ATXN10: variants seen among roughly 807,000 people sequenced by gnomAD.
The protein encoded by ATXN10 is ataxin 10, also known as ataxin-10.
In ATXN10, 28 loss-of-function variants were observed where a neutral mutation model predicts 52.9. The ratio of observed to expected loss-of-function variants is 0.53; its 90% CI spans 0.39 to 0.73. ATXN10 has a LOEUF of 0.73. ATXN10 is among the 30% of genes least tolerant of loss of function. The pLI is 0.00. For synonymous variants in ATXN10, 226 were observed against 221.5 expected (o/e 1.02, Z -0.18); for missense variants, 565 against 577.0 (o/e 0.98, Z 0.21).
chr22:45,799,550 C>T (rs1243511576), intron 9 of ATXN10, among the ~76,000 whole-genome samples: 1 of 152,088 alleles, frequency 6.6e-6, no homozygotes, highest in East Asian at 1.9e-4. Context: ...ATCTAAAAAC[C>T]AAGGACACCA....
intron 10 of ATXN10, among the ~76,000 whole-genome samples, chr22:45,838,265 T>C (rs926621623): frequency 6.6e-6 from 1 of 152,186 alleles, no homozygotes; most frequent in Non-Finnish European, 1.5e-5. Flanking sequence ...TGTTAGGCCC[T>C]GTGTTGAACC....
intron 6 of ATXN10, 99 bp from the exon 7 acceptor site, chr22:45,729,326 A>G: frequency 8.0e-7 from 1 of 1,243,428 alleles, no homozygotes; most frequent in Admixed American, 1.8e-5. Flanking sequence ...TAAGGAATTT[A>G]AAATAATAAT....
intron 1 of ATXN10, chr22:45,674,045 A>G (rs973701751): frequency 2.0e-5 from 3 of 152,184 alleles, no homozygotes; most frequent in Non-Finnish European, 4.4e-5. Context: ...GAGTGGCGCG[A>G]TAAGATCTGC....
At position 45,766,595 on chromosome 22, in the gene ATXN10, A is replaced by T. The variant is rs1025178311; in HGVS notation, c.1173+26057A>T. On this transcript the variant is annotated intron_variant, in intron 9 of 11. Transcript: ENST00000252934. The surrounding 1 kb of genome is among the most constrained non-coding windows in gnomAD (Gnocchi z 4.6). ...AATGTAACAGCACCTGAACCCATGCAAGTATTAGGAGAAAACATGAATGAG... is the reference window on the plus strand; with the variant it reads ...AATGTAACAGCACCTGAACCCATGCTAGTATTAGGAGAAAACATGAATGAG... Among the ~76,000 whole-genome samples, 1 of 152,228 alleles carries T rather than the reference A, an allele frequency of 6.6e-6. No individual in the cohort carries two copies. The highest frequency in any genetic ancestry group is 6.5e-5 in the Admixed American group (1 of 15,282).
At chr22:45,800,794 C>T (rs1174257926) in intron 9 of ATXN10, among the ~76,000 whole-genome samples, 3 of 152,138 alleles carry the variant, frequency 2.0e-5, no homozygotes, top group Admixed American at 6.5e-5. Flanking sequence ...ATCTCGAAAA[C>T]ATTGGAAAAC....
intron 9 of ATXN10, among the ~76,000 whole-genome samples, chr22:45,752,810 C>T (rs1311421007): frequency 3.3e-5 from 5 of 151,632 alleles, no homozygotes; most frequent in Admixed American, 1.3e-4. Flanking sequence ...GCGATCTCGA[C>T]GCAACCTCCG....
chr22:45,815,121 G>T (rs2146893405), intron 10 of ATXN10, among the ~76,000 whole-genome samples: 1 of 152,348 alleles, frequency 6.6e-6, no homozygotes, highest in African/African-American at 2.4e-5. Flanking sequence ...TAGTTAAATT[G>T]TGGTGTGTTC....
chr22:45,699,693 C>T (rs948363539), intron 3 of ATXN10, among the ~76,000 whole-genome samples: 3 of 151,456 alleles, frequency 2.0e-5, no homozygotes, highest in East Asian at 3.9e-4. Context: ...GGTTTCATCA[C>T]GTTGGCCAGG....
intron 3 of ATXN10, among the ~76,000 whole-genome samples, chr22:45,697,592 T>A (rs1294481503): frequency 6.6e-6 from 1 of 152,158 alleles, no homozygotes; most frequent in Non-Finnish European, 1.5e-5. Context: ...TTATGTGACC[T>A]TTGGTGTCTT....
At position 45,805,241 on chromosome 22, in the gene ATXN10, C is replaced by G. The variant is rs2146882838; in HGVS notation, c.1174-1718C>G. 2.6e-5 allele frequency among the ~76,000 whole-genome samples: 4 copies of G among 152,300 alleles called. 1 individual carries two copies. In the Middle Eastern group the frequency reaches 0.014, roughly 518 times the overall value. Reference sequence around the variant, plus strand: ...ATGAGATTGTGGAGATGCTGGAACCCTCATAAATTGCTGGGTGAAAATGTA... The same window carrying G: ...ATGAGATTGTGGAGATGCTGGAACCGTCATAAATTGCTGGGTGAAAATGTA... On this transcript the variant is annotated intron_variant, in intron 9 of 11. Coordinates refer to ENST00000252934, the MANE Select transcript of ATXN10 (RefSeq NM_013236.4). The surrounding 1 kb of genome is among the most constrained non-coding windows in gnomAD (Gnocchi z 4.4).
rs1276585610 is a variant in ATXN10 at position 45,819,249 on chromosome 22, A to T, written c.1237+12227A>T. ...ATAGAATAGAATAGAATAGAATAGA[A>T]TAGGCTTTTATAATTCTTAACTTTG... On this transcript the variant is annotated intron_variant, in intron 10 of 11. Coordinates refer to ENST00000252934, the MANE Select transcript of ATXN10 (RefSeq NM_013236.4). This position sits in a 1 kb window ranked among gnomAD's most constrained non-coding sequence, Gnocchi z 4.5. Among the ~76,000 whole-genome samples, 1 of 144,202 alleles carries T rather than the reference A, an allele frequency of 6.9e-6. No homozygotes were observed. The highest frequency in any genetic ancestry group is 6.9e-5 in the Admixed American group (1 of 14,404). 94.6% of individuals were successfully genotyped at this position (144,202 alleles called of 152,430 possible). A position where few individuals can be genotyped will look rare whatever the true frequency, so the allele number is the denominator to read the frequency against.
intron 10 of ATXN10, among the ~76,000 whole-genome samples, chr22:45,817,105 C>T (rs557327020): frequency 2.7e-4 from 41 of 152,208 alleles, no homozygotes; most frequent in African/African-American, 8.9e-4. Context: ...GCCATCCTGA[C>T]GTTTGTTTGA....
intron 9 of ATXN10, among the ~76,000 whole-genome samples, chr22:45,782,667 C>T (rs534419772): frequency 5.3e-5 from 8 of 152,160 alleles, no homozygotes; most frequent in Non-Finnish European, 1.0e-4. Flanking sequence ...ATGTTCTTTA[C>T]CACTATATGA....
chr22:45,840,829 G>GT lies in ATXN10; in HGVS notation c.1238-2161dup. 2.0e-5 allele frequency among the ~76,000 whole-genome samples: 3 copies of GT among 152,226 alleles called. No homozygotes were observed. On this transcript the variant is annotated intron_variant, in intron 10 of 11. Coordinates refer to ENST00000252934, the MANE Select transcript of ATXN10 (RefSeq NM_013236.4). This position sits in a 1 kb window ranked among gnomAD's most constrained non-coding sequence, Gnocchi z 5.8. ...AATAACCAGGACGTTTCAGAAAGGA[G>GT]TGTTATGCTTCTTTCATTTACCATT...
rs1923219018 is a variant in ATXN10, at chr22:45,688,065, A to G, written c.117-1647A>G. ...AGAGCAAAACTCCGTCTCAAAAAAAAGAGTGTTAGTGAGTATTCTTCCATT... is the reference window on the plus strand; with the variant it reads ...AGAGCAAAACTCCGTCTCAAAAAAAGGAGTGTTAGTGAGTATTCTTCCATT... On this transcript the variant is annotated intron_variant, in intron 1 of 11. Transcript: ENST00000252934. This position sits in a 1 kb window ranked among gnomAD's most constrained non-coding sequence, Gnocchi z 4.0. Among the ~76,000 whole-genome samples the G allele has an allele frequency of 6.6e-6, 1 of 152,214 alleles. No homozygotes were observed. Among genetic ancestry groups the G allele is most frequent in the Non-Finnish European group, 1.5e-5 (1 of 68,032 alleles).
At position 45,843,908 on chromosome 22, in the gene ATXN10, T is replaced by C; in HGVS notation, c.*237T>C. 1.7e-6 allele frequency: 1 copy of C among 575,326 alleles called. No homozygotes were observed. Among genetic ancestry groups the C allele is most frequent in the South Asian group, 2.1e-5 (1 of 48,086 alleles). 35.6% of individuals were successfully genotyped at this position (575,326 alleles called of 1,614,324 possible). On this transcript the variant is annotated 3_prime_UTR_variant, in exon 12 of 12. Coordinates refer to ENST00000252934, the MANE Select transcript of ATXN10 (RefSeq NM_013236.4). The surrounding 1 kb of genome is among the most constrained non-coding windows in gnomAD (Gnocchi z 4.5). ...TGCCTTTGTCCCCCTGGATAGAACG[T>C]GCATTTAAAGAATATATTGTACTTA...
At chr22:45,743,129 C>A (rs1039836652) in intron 9 of ATXN10, among the ~76,000 whole-genome samples, 9 of 152,184 alleles carry the variant, frequency 5.9e-5, no homozygotes, top group African/African-American at 2.2e-4. Flanking sequence ...CACAGGAAGT[C>A]GATGGTGTGT....
At position 45,832,371 on chromosome 22, in the gene ATXN10, ACCCT is replaced by A. The variant is rs1456778813; in HGVS notation, c.1238-10617_1238-10614del. On this transcript the variant is annotated intron_variant, in intron 10 of 11. Coordinates refer to ENST00000252934, the MANE Select transcript of ATXN10 (RefSeq NM_013236.4). ...CGCTGTGTGGCCTGCTCCCATCTGC[ACCCT>A]CCTCCTCAGCTCTCCAGGGGTCTGG... Among the ~76,000 whole-genome samples, 4 of 152,064 alleles carry A rather than the reference ACCCT, an allele frequency of 2.6e-5. 1 individual carries two copies. The South Asian group carries it at 6.2e-4, about 24-fold the overall frequency.
At position 45,823,410 on chromosome 22, in the gene ATXN10, A is replaced by T. The variant is rs1307416657; in HGVS notation, c.1237+16388A>T. 1 of 313,228 alleles carries T rather than the reference A, an allele frequency of 3.2e-6. No individual in the cohort carries two copies. The highest frequency in any genetic ancestry group is 2.2e-5 in the African/African-American group (1 of 45,282). 19.4% of individuals were successfully genotyped at this position (313,228 alleles called of 1,614,324 possible). A position where few individuals can be genotyped will look rare whatever the true frequency, so the allele number is the denominator to read the frequency against. ...TCTATCAGAATTGTAATTATTTATG[A>T]TGTACAGTAGGGATTCTGTCTTTTT... On this transcript the variant is annotated intron_variant, in intron 10 of 11. Transcript: ENST00000252934. The surrounding 1 kb of genome is among the most constrained non-coding windows in gnomAD (Gnocchi z 4.9).
Sources: gnomAD v4.1 joint callset for allele counts (sites outside exome capture counted in the v4.1 genomes callset) on GRCh38, gnomAD v4.1.1 for gene constraint, Gnocchi (gnomAD v3.1) non-coding constraint, MANE v1.5 for transcripts, NCBI Gene and HGNC (gene_info 2026-07-23, HGNC 2026-07-21) for gene names.